CRHBP: variants seen among roughly 807,000 people sequenced by gnomAD.
The protein encoded by CRHBP is corticotropin-releasing hormone-binding protein.
In CRHBP, 19 loss-of-function variants were observed where a neutral mutation model predicts 34.9. That is an observed-to-expected ratio of 0.55 (90% CI 0.38 to 0.80). CRHBP has a LOEUF of 0.80. Ranked by LOEUF, CRHBP falls within the 30% of genes least tolerant of loss-of-function variation. CRHBP has a pLI of 0.00. For missense variants in CRHBP, 328 were observed against 409.2 expected (o/e 0.80, Z 1.71); for synonymous variants, 154 against 153.4 (o/e 1.00, Z -0.03).
Position 76,969,015 on chromosome 5 carries a change from GCA to G in CRHBP, c.*145_*146del, listed in dbSNP as rs146359925. The G allele has an allele frequency of 0.012, 10,085 of 830,596 alleles. 130 individuals carry two copies. The highest frequency in any genetic ancestry group is 0.065 in the African/African-American group (3,702 of 56,944). The allele number at this position is 830,596 out of a possible 1,614,324, so 51.5% of individuals were successfully genotyped here. A position where few individuals can be genotyped will look rare whatever the true frequency, so the allele number is the denominator to read the frequency against. ...TATTCCCAGCCTTGAGCGCACGCGCGCACACACACACACACATACACACACGC... is the reference window on the plus strand; with the variant it reads ...TATTCCCAGCCTTGAGCGCACGCGCGCACACACACACACATACACACACGC... On this transcript the variant is annotated 3_prime_UTR_variant, in exon 7 of 7. Transcript: ENST00000274368.
downstream of CRHBP, among the ~76,000 whole-genome samples, chr5:76,971,009 T>C (rs932898466): frequency 6.6e-6 from 1 of 152,246 alleles, no homozygotes; most frequent in African/African-American, 2.4e-5. Flanking sequence ...TTAGCCTATG[T>C]TCCAAAAGGA....
chr5:76,976,655 G>T (rs560055426), intron 3 of CRHBP: 2 of 152,138 alleles, frequency 1.3e-5, no homozygotes, highest in African/African-American at 4.8e-5. Context: ...GAAGTACCAC[G>T]CACCAGTCAA....
intron 3 of CRHBP, among the ~76,000 whole-genome samples, chr5:76,980,065 C>A (rs550947865): frequency 1.3e-3 from 193 of 151,318 alleles, no homozygotes; most frequent in Admixed American, 2.4e-3. Context: ...TCCTGGCTAA[C>A]ACGGTGAAAC....
intron 2 of CRHBP, among the ~76,000 whole-genome samples, chr5:76,975,819 A>C (rs1412436005): frequency 2.4e-5 from 2 of 84,130 alleles, no homozygotes; most frequent in African/African-American, 1.5e-4. Context: ...AAAAAAAAAA[A>C]AAAAAAATAT....
At chr5:76,960,687 C>G (rs1241357516) in intron 5 of CRHBP, among the ~76,000 whole-genome samples, 1 of 152,162 alleles carries the variant, frequency 6.6e-6, no homozygotes, top group Non-Finnish European at 1.5e-5. Context: ...AACCAAAAAA[C>G]CTTCAATTTT....
At position 76,953,663 on chromosome 5, in the gene CRHBP, G is replaced by A. The variant is rs1745611465; in HGVS notation, c.144G>A (p.Leu48=). 1 of 1,610,024 alleles carries A rather than the reference G, an allele frequency of 6.2e-7. No individual in the cohort carries two copies. Among genetic ancestry groups the A allele is most frequent in the African/African-American group, 1.3e-5 (1 of 74,998 alleles). ...TCAGCGCCAACCTGAAGCGGGAGCT[G>A]GCTGGGGAGCAGCCGTACCGCCGCG... The part of the protein sequence containing the change: ...LLFSANLKRE[L]AGEQPYRRAL... The change falls in exon 2 of 7, where the codon CTG becomes CTA. Residue 48 remains leucine, a synonymous_variant. Transcript: ENST00000274368.
chr5:76,980,578 C>A lies in CRHBP; in HGVS notation n.468-383C>A, dbSNP rs150426735. ...CTCATTGAATATTTGGTCAACTTGGCGATGCCATAGAACGAAGACATTTAG... is the reference window on the plus strand; with the variant it reads ...CTCATTGAATATTTGGTCAACTTGGAGATGCCATAGAACGAAGACATTTAG... On this transcript the variant is annotated intron_variant and non_coding_transcript_variant, in intron 3 of 3. Transcript: ENST00000514258. Among the ~76,000 whole-genome samples, 3 of 152,314 alleles carry A rather than the reference C, an allele frequency of 2.0e-5. No individual in the cohort carries two copies. In the East Asian group the frequency reaches 5.8e-4, roughly 29 times the overall value.
chr5:76,954,134 C>G lies in CRHBP; in HGVS notation c.281C>G (p.Thr94Ser). ...ATCAGCGAGCCCGAGGAGTTCATTA[C>G]CATCCACTACGACCAGGTCTCCATC... ...FFISEPEEFI[T>S]IHYDQVSIDC... Residue 94 changes from threonine to serine, a missense_variant, in exon 3 of 7, where the codon ACC becomes AGC. Physicochemically the swap from Thr to Ser is moderately conservative, Grantham distance 58 (BLOSUM62 1). This residue lies in a region of CRHBP where 173 missense variants were observed against 172.2 expected (regional missense o/e 1.00). Transcript: ENST00000274368. 1 of 1,614,060 alleles carries G rather than the reference C, an allele frequency of 6.2e-7. No homozygotes were observed. Among genetic ancestry groups the G allele is most frequent in the South Asian group, 1.1e-5 (1 of 91,076 alleles).
rs570610944 is a variant in CRHBP at position 76,968,999 on chromosome 5, C to T, written c.*114C>T. ...CTTTCATACCAGTCAGTATTCCCAGCCTTGAGCGCACGCGCGCACACACAC... is the reference window on the plus strand; with the variant it reads ...CTTTCATACCAGTCAGTATTCCCAGTCTTGAGCGCACGCGCGCACACACAC... On this transcript the variant is annotated 3_prime_UTR_variant, in exon 7 of 7. Transcript: ENST00000274368. 4 of 1,252,810 alleles carry T rather than the reference C, an allele frequency of 3.2e-6. No homozygotes were observed. Among genetic ancestry groups the T allele is most frequent in the Non-Finnish European group, 4.5e-6 (4 of 897,640 alleles). The allele number at this position is 1,252,810 out of a possible 1,614,324, so 77.6% of individuals were successfully genotyped here.
At chr5:76,980,751 T>C (rs143606146) in intron 3 of CRHBP, among the ~76,000 whole-genome samples, 213 of 152,286 alleles carry the variant, frequency 1.4e-3, no homozygotes, top group Non-Finnish European at 1.9e-3. Context: ...AAGACGGAGT[T>C]TCCCCAAGGG....
rs72763264 is a variant in CRHBP at position 76,974,844 on chromosome 5, T to C, written n.312-1521T>C. On this transcript the variant is annotated intron_variant and non_coding_transcript_variant, in intron 2 of 3. Coordinates refer to the CRHBP transcript ENST00000514258. The stretch of plus-strand genomic sequence containing the variant: ...AGAAACAGAGATACGAGAGAGGAAA[T>C]ATGGGTGAGAGAAAGAAGCTTGATT... 6.6e-3 allele frequency among the ~76,000 whole-genome samples: 1,004 copies of C among 152,162 alleles called. 4 individuals are homozygous for C. Among genetic ancestry groups the C allele is most frequent in the Non-Finnish European group, 0.011 (719 of 67,988 alleles).
intron 3 of CRHBP, among the ~76,000 whole-genome samples, chr5:76,955,321 C>T (rs1006875774): frequency 4.6e-5 from 7 of 152,148 alleles, no homozygotes; most frequent in Non-Finnish European, 8.8e-5. Flanking sequence ...TGGAATTCTT[C>T]TGAAGGTGAG....
chr5:76,966,585 C>T (rs1214553132), intron 6 of CRHBP, among the ~76,000 whole-genome samples: 2 of 152,074 alleles, frequency 1.3e-5, no homozygotes, highest in Non-Finnish European at 2.9e-5. Flanking sequence ...GGCTTAGGTT[C>T]CCTGCCCCCA....
intron 5 of CRHBP, among the ~76,000 whole-genome samples, chr5:76,960,720 T>A (rs929241852): frequency 6.6e-6 from 1 of 152,156 alleles, no homozygotes. Flanking sequence ...GGTGTGAGGA[T>A]CTTACATTTG....
chr5:76,963,233 C>T, intron 5 of CRHBP, 110 bp from the exon 6 acceptor site: 1 of 761,664 alleles, frequency 1.3e-6, no homozygotes, highest in Non-Finnish European at 2.3e-6. Context: ...AATGGTATTG[C>T]CAGGATGTTG....
At chr5:76,972,607 T>C (rs1465627159), downstream of CRHBP, among the ~76,000 whole-genome samples, 2 of 152,174 alleles carry the variant, frequency 1.3e-5, no homozygotes, top group African/African-American at 4.8e-5. Context: ...GTTAGGATTA[T>C]AGGCATGAGC....
At chr5:76,956,660 C>T (rs1745673597) in intron 4 of CRHBP, among the ~76,000 whole-genome samples, 1 of 151,568 alleles carries the variant, frequency 6.6e-6, no homozygotes, top group African/African-American at 2.4e-5. Flanking sequence ...GGAGGTGGAG[C>T]TTGCAGTGAG....
At chr5:76,953,304 G>T in intron 1 of CRHBP, 89 bp downstream of exon 1, 1 of 1,261,144 alleles carries the variant, frequency 7.9e-7, no homozygotes, top group East Asian at 2.4e-5. Flanking sequence ...AGCCTTTTGG[G>T]GTTCGCTGTT....
chr5:76,960,224 A>G (rs1257591212), intron 5 of CRHBP, among the ~76,000 whole-genome samples: 1 of 152,230 alleles, frequency 6.6e-6, no homozygotes, highest in Non-Finnish European at 1.5e-5. Context: ...TGGTCAGGAA[A>G]GAAACCTTTT....
Sources: gnomAD v4.1 joint callset for allele counts (sites outside exome capture counted in the v4.1 genomes callset) on GRCh38, gnomAD v4.1.1 for gene constraint, gnomAD v4.1.1 regional missense constraint, MANE v1.5 for transcripts, NCBI Gene and HGNC (gene_info 2026-07-23, HGNC 2026-07-21) for gene names.